CNOT8: variants seen among roughly 807,000 people sequenced by gnomAD.
CNOT8 encodes the protein CAF1-like protein.
Under a neutral mutation model 34.6 loss-of-function variants are expected in CNOT8, and 18 were observed. The observed-to-expected ratio is 0.52, with a 90% CI of 0.36 to 0.77. The LOEUF (loss-of-function observed/expected upper bound fraction) is 0.77, where lower values mean the gene tolerates loss of function less well. Among genes scored for constraint, CNOT8 ranks in the 30% least tolerant of loss-of-function variants. The pLI, the probability that CNOT8 is intolerant of heterozygous loss-of-function variation, is 0.00. For missense variants in CNOT8, 189 were observed against 347.9 expected (o/e 0.54, Z 3.63); for synonymous variants, 101 against 118.8 (o/e 0.85, Z 0.98).
At position 154,875,511 on chromosome 5, in the gene CNOT8, C is replaced by A; in HGVS notation, c.*72C>A. Reference sequence around the variant, plus strand: ...CTGTGCTGACTGTGTACTTATCTTCCCCAAGAGAAAATGCTTCTTTTGAGC... The same window carrying A: ...CTGTGCTGACTGTGTACTTATCTTCACCAAGAGAAAATGCTTCTTTTGAGC... On this transcript the variant is annotated 3_prime_UTR_variant, in exon 7 of 7. Transcript: ENST00000285896. The A allele has an allele frequency of 6.5e-7, 1 of 1,538,098 alleles. No homozygotes were observed. Among genetic ancestry groups the A allele is most frequent in the Non-Finnish European group, 8.8e-7 (1 of 1,136,356 alleles).
chr5:154,863,035 A>ATG (rs371515354), intron 1 of CNOT8, among the ~76,000 whole-genome samples, 172 bp from the exon 2 acceptor site: 16 of 151,524 alleles, frequency 1.1e-4, no homozygotes, highest in African/African-American at 2.2e-4. Context: ...GCGTGTGTGC[A>ATG]TGTGTGTGTG....
chr5:154,865,355 C>T lies in CNOT8; in HGVS notation c.281C>T (p.Thr94Ile). The T allele has an allele frequency of 6.3e-7, 1 of 1,583,656 alleles. No homozygotes were observed. The highest frequency in any genetic ancestry group is 8.5e-7 in the Non-Finnish European group (1 of 1,172,390). The change falls in exon 3 of 7, where the codon ACT becomes ATT. Residue 94 changes from threonine (T) to isoleucine (I), a missense_variant. Coordinates refer to ENST00000285896, the MANE Select transcript of CNOT8 (RefSeq NM_001301073.2). ...EKGEYPSGINTWQFNFKFNLT... is the reference protein window; with the variant it reads ...EKGEYPSGINIWQFNFKFNLT... ...GGAGAGTATCCTTCTGGAATCAATACTTGGCAGTTCAATTTCAAATTTAAC... is the reference window on the plus strand; with the variant it reads ...GGAGAGTATCCTTCTGGAATCAATATTTGGCAGTTCAATTTCAAATTTAAC...
intron 3 of CNOT8, among the ~76,000 whole-genome samples, chr5:154,868,557 C>T (rs995880462): frequency 5.3e-5 from 8 of 152,150 alleles, no homozygotes; most frequent in Admixed American, 2.6e-4. Flanking sequence ...TGTGAGCCAC[C>T]GCACCCGACC....
At chr5:154,861,846 G>C (rs995694966) in intron 1 of CNOT8, among the ~76,000 whole-genome samples, 4 of 152,286 alleles carry the variant, frequency 2.6e-5, no homozygotes, top group South Asian at 2.1e-4. Context: ...CTGCAGGCGC[G>C]TGCCACCACA....
chr5:154,872,529 A>G lies in CNOT8; in HGVS notation c.619-12A>G, dbSNP rs1762579800. ...GTTTGTAATATTATCTTTGTTCTCC[A>G]TACATCTCCAGGGAGGTCTTCAGGA... is the stretch of plus-strand genomic sequence containing the variant. On this transcript the variant is annotated splice_polypyrimidine_tract_variant and intron_variant, in intron 5 of 6. Coordinates refer to ENST00000285896, the MANE Select transcript of CNOT8 (RefSeq NM_001301073.2). 5.7e-6 allele frequency: 9 copies of G among 1,577,894 alleles called. No homozygotes were observed. The highest frequency in any genetic ancestry group is 2.3e-5 in the East Asian group (1 of 44,360).
chr5:154,868,268 C>CTTTTTTTTTT (rs543872202), intron 3 of CNOT8, among the ~76,000 whole-genome samples: 2 of 103,924 alleles, frequency 1.9e-5, no homozygotes, highest in East Asian at 2.6e-4. Flanking sequence ...CTTTTCTTTT[C>CTTTTTTTTTT]TTTTTTTTTT....
At position 154,871,718 on chromosome 5, in the gene CNOT8, A is replaced by G. The variant is rs556302555; in HGVS notation, c.474-12A>G. 3.1e-6 allele frequency: 5 copies of G among 1,613,176 alleles called. No individual in the cohort carries two copies. In the African/African-American group the frequency reaches 6.7e-5, roughly 22 times the overall value. On this transcript the variant is annotated splice_polypyrimidine_tract_variant and intron_variant, in intron 4 of 6. Transcript: ENST00000285896. ...ACTGCTTTTTTAACCTCTGTGGTTT[A>G]TTCTCTTGTAGTGGCTATGATTTTG...
At chr5:154,866,047 A>C (rs1278373801) in intron 3 of CNOT8, among the ~76,000 whole-genome samples, 1 of 152,198 alleles carries the variant, frequency 6.6e-6, no homozygotes, top group African/African-American at 2.4e-5. Context: ...GGAATTTTCA[A>C]AGAAAATTTC....
At chr5:154,868,266 TTC>T (rs1256344048) in intron 3 of CNOT8, among the ~76,000 whole-genome samples, 9 of 119,302 alleles carry the variant, frequency 7.5e-5, no homozygotes, top group Admixed American at 6.1e-4. Flanking sequence ...TTCTTTTCTT[TTC>T]TTTTTTTTTT....
At position 154,863,335 on chromosome 5, in the gene CNOT8, T is replaced by C; in HGVS notation, c.57T>C (p.Asn19=). ...TTATCTGTGAAGTGTGGGCCAGTAA[T>C]CTAGAAGAAGAGATGAGGAAGATCC... ...SQVICEVWAS[N]LEEEMRKIRE... is the part of the protein sequence containing the mutation. The change falls in exon 2 of 7, where the codon AAT becomes AAC. Residue 19 remains asparagine (N), a synonymous_variant. Coordinates refer to ENST00000285896, the MANE Select transcript of CNOT8 (RefSeq NM_001301073.2). 1 of 1,614,160 alleles carries C rather than the reference T, an allele frequency of 6.2e-7. No homozygotes were observed. Among genetic ancestry groups the C allele is most frequent in the Non-Finnish European group, 8.5e-7 (1 of 1,180,000 alleles).
At chr5:154,868,737 T>C (rs944585601) in intron 3 of CNOT8, among the ~76,000 whole-genome samples, 4 of 152,214 alleles carry the variant, frequency 2.6e-5, no homozygotes, top group Admixed American at 6.5e-5. Context: ...CAAGAGGCTA[T>C]CCAAGCCTTG....
chr5:154,865,625 T>C (rs1761795136), intron 3 of CNOT8, among the ~76,000 whole-genome samples: 1 of 152,138 alleles, frequency 6.6e-6, no homozygotes, highest in Non-Finnish European at 1.5e-5. Flanking sequence ...GAAAAGATGC[T>C]CAACATCATT....
rs935894970 is a variant in CNOT8, at chr5:154,871,626, TC to T, written c.474-102del. 3.1e-5 allele frequency: 32 copies of T among 1,028,284 alleles called. No individual in the cohort carries two copies. In the African/African-American group the frequency reaches 4.9e-4, roughly 16 times the overall value. 63.7% of individuals were successfully genotyped at this position (1,028,284 alleles called of 1,614,324 possible). ...TAAACTACTCAGAAAAAGTGAAAGT[TC>T]CTAACATGAAGTAGCATTTACAAGC... On this transcript the variant is annotated intron_variant, in intron 4 of 6. Coordinates refer to ENST00000285896, the MANE Select transcript of CNOT8 (RefSeq NM_001301073.2).
chr5:154,859,487 CTGTT>C (rs1315329619), intron 1 of CNOT8: 3 of 152,358 alleles, frequency 2.0e-5, no homozygotes, highest in Admixed American at 6.5e-5. Flanking sequence ...CCTTGAGACA[CTGTT>C]TGGAGGTAAG....
chr5:154,864,796 G>A (rs1206156666), intron 2 of CNOT8, among the ~76,000 whole-genome samples: 1 of 152,178 alleles, frequency 6.6e-6, no homozygotes, highest in Non-Finnish European at 1.5e-5. Flanking sequence ...GCTGATGCCT[G>A]TAATCTGTGC....
intron 3 of CNOT8, chr5:154,867,658 T>G (rs908310791): frequency 1.1e-5 from 3 of 265,186 alleles, no homozygotes; most frequent in Admixed American, 1.2e-4. Flanking sequence ...CTTAATTTCT[T>G]TCTTTCTTCA....
intron 2 of CNOT8, among the ~76,000 whole-genome samples, chr5:154,864,065 C>T (rs1315079652): frequency 6.6e-6 from 1 of 152,120 alleles, no homozygotes; most frequent in Non-Finnish European, 1.5e-5. Flanking sequence ...CGGGCATGTG[C>T]TCTCTGTTTT....
intron 1 of CNOT8, among the ~76,000 whole-genome samples, chr5:154,862,067 A>G (rs961466846): frequency 6.6e-6 from 1 of 152,086 alleles, no homozygotes; most frequent in African/African-American, 2.4e-5. Flanking sequence ...TCAGAGACCC[A>G]ATCATGTTGA....
chr5:154,875,216 C>T lies in CNOT8; in HGVS notation c.730-74C>T. 3 of 1,525,538 alleles carry T rather than the reference C, an allele frequency of 2.0e-6. No homozygotes were observed. The South Asian group carries it at 3.6e-5, about 18-fold the overall frequency. 94.5% of individuals were successfully genotyped at this position (1,525,538 alleles called of 1,614,324 possible). On this transcript the variant is annotated intron_variant, in intron 6 of 6. Coordinates refer to ENST00000285896, the MANE Select transcript of CNOT8 (RefSeq NM_001301073.2). The stretch of plus-strand genomic sequence containing the variant: ...CCAGACGTGAGCCATTGCACCCGGC[C>T]AGATGTGATAATATTTATACTTGTC...
Sources: allele counts gnomAD v4.1 joint callset (sites outside exome capture counted in the v4.1 genomes callset), GRCh38; gene constraint gnomAD v4.1.1; transcripts MANE v1.5; gene names NCBI Gene and HGNC (gene_info 2026-07-23, HGNC 2026-07-21).